Variants in PIP5KL1 observed in about 807,000 individuals in gnomAD.
PIP5KL1 encodes phosphatidylinositol-4-phosphate 5-kinase like 1, also known as phosphatidylinositol 4-phosphate 5-kinase-like protein 1.
Under a neutral mutation model 47.6 loss-of-function variants are expected in PIP5KL1, and 45 were observed. That is an observed-to-expected ratio of 0.94 (90% CI 0.74 to 1.21). The LOEUF (loss-of-function observed/expected upper bound fraction) is 1.21. Among genes scored for constraint, PIP5KL1 ranks in the 50% most tolerant of loss-of-function variants. The probability of loss-of-function intolerance (pLI) is 0.00; values close to 1 mark genes in which losing one functional copy is unlikely to be tolerated. For missense variants in PIP5KL1, 577 were observed against 547.6 expected (o/e 1.05, Z -0.54); for synonymous variants, 256 against 234.6 (o/e 1.09, Z -0.84).
Position 127,925,258 on chromosome 9 carries a change from G to A in PIP5KL1, c.766C>T (p.Pro256Ser). The part of the protein sequence containing the change: ...NFQGKTINLG[P>S]QRSWFLRQME... ...TGGCGGAGGAACCAGCTCCGCTGGG[G>A]CCCTGCCGGAGCATCAGTGCCCCCA... is the stretch of plus-strand genomic sequence containing the variant. The change falls in exon 9 of 10, where the codon CCC (proline) becomes TCC (serine). Residue 256 changes from proline (P) to serine (S), a missense_variant and splice_region_variant. Coordinates refer to ENST00000388747, the MANE Select transcript of PIP5KL1 (RefSeq NM_001135219.2). 4.3e-6 allele frequency: 7 copies of A among 1,612,006 alleles called. No individual in the cohort carries two copies. Among genetic ancestry groups the A allele is most frequent in the Non-Finnish European group, 5.9e-6 (7 of 1,179,976 alleles).
chr9:127,929,649 T>C lies in PIP5KL1; in HGVS notation c.228+39A>G, dbSNP rs532580124. On this transcript the variant is annotated intron_variant, in intron 2 of 9. Coordinates refer to ENST00000388747, the MANE Select transcript of PIP5KL1 (RefSeq NM_001135219.2). The surrounding 1 kb of genome is among the most constrained non-coding windows in gnomAD (Gnocchi z 4.0). ...CAGGGCATCAGCCAAGTCTTGCCAT[T>C]GCTGGTGTGGAGATTCGTGGGACAG... 3 of 1,500,162 alleles carry C rather than the reference T, an allele frequency of 2.0e-6. No homozygotes were observed. The East Asian group carries it at 7.4e-5, about 37-fold the overall frequency. 92.9% of individuals were successfully genotyped at this position (1,500,162 alleles called of 1,614,324 possible).
intron 9 of PIP5KL1, among the ~76,000 whole-genome samples, chr9:127,922,488 A>G (rs555972206): frequency 9.5e-4 from 145 of 152,278 alleles, no homozygotes; most frequent in Non-Finnish European, 1.7e-3. Flanking sequence ...ACCTGAGGTC[A>G]GAAGTCGGAG....
rs778647599 is a variant in PIP5KL1 at position 127,927,158 on chromosome 9, G to A, written c.645C>T (p.Ser215=). 2 of 1,611,250 alleles carry A rather than the reference G, an allele frequency of 1.2e-6. No homozygotes were observed. Among genetic ancestry groups the A allele is most frequent in the Non-Finnish European group, 8.5e-7 (1 of 1,178,380 alleles). ...QSVFYPAGRI[S]ERYDIKGCEV... Reference sequence around the variant, plus strand: ...AACCTGCTTAGGCCACTCACCTCTCGGAGATGCGGCCGGCGGGGTAGAAGA... The same window carrying A: ...AACCTGCTTAGGCCACTCACCTCTCAGAGATGCGGCCGGCGGGGTAGAAGA... The change falls in exon 7 of 10, where the codon TCC becomes TCT. Residue 215 remains serine, a synonymous_variant. Coordinates refer to ENST00000388747, the MANE Select transcript of PIP5KL1 (RefSeq NM_001135219.2). The surrounding 1 kb of genome is among the most constrained non-coding windows in gnomAD (Gnocchi z 5.5).
intron 1 of PIP5KL1, among the ~76,000 whole-genome samples, 180 bp from the exon 2 acceptor site, chr9:127,930,065 A>G (rs1238217004): frequency 6.6e-6 from 1 of 152,208 alleles, no homozygotes; most frequent in Admixed American, 6.5e-5. Context: ...CCTGGCACGC[A>G]GTCAGCACCC....
rs1476003016 is a variant in PIP5KL1, at chr9:127,927,078, T to C, written c.650+75A>G. 1 of 1,453,896 alleles carries C rather than the reference T, an allele frequency of 6.9e-7. No individual in the cohort carries two copies. The highest frequency in any genetic ancestry group is 9.3e-7 in the Non-Finnish European group (1 of 1,074,742). 90.1% of individuals were successfully genotyped at this position (1,453,896 alleles called of 1,614,324 possible). A position where few individuals can be genotyped will look rare whatever the true frequency, so the allele number is the denominator to read the frequency against. On this transcript the variant is annotated intron_variant, in intron 7 of 9. Transcript: ENST00000388747. This position sits in a 1 kb window ranked among gnomAD's most constrained non-coding sequence, Gnocchi z 5.5. ...CTTCCTGGGCCTCGGTTTCACCGTC[T>C]GGCTAGTGAGTGTGGGTGCTTCGGG...
intron 7 of PIP5KL1, among the ~76,000 whole-genome samples, chr9:127,926,682 T>C (rs559030802): frequency 1.3e-4 from 20 of 152,354 alleles, no homozygotes; most frequent in African/African-American, 4.8e-4. Context: ...TCTGGACACC[T>C]TGTCACCCCT....
At position 127,925,116 on chromosome 9, in the gene PIP5KL1, C is replaced by T. The variant is rs776871325; in HGVS notation, c.908G>A (p.Arg303His). The T allele has an allele frequency of 1.2e-5, 19 of 1,613,678 alleles. No homozygotes were observed. The highest frequency in any genetic ancestry group is 1.7e-5 in the Admixed American group (1 of 59,944). Residue 303 changes from arginine to histidine, a missense_variant, in exon 9 of 10, where the codon CGC becomes CAC. Transcript: ENST00000388747. The part of the protein sequence containing the change: ...ERGPGSSLIF[R>H]TARSVQGAQS... The stretch of plus-strand genomic sequence containing the variant: ...CCTGTGGGAGGCTCACCTGGCCGTG[C>T]GGAAGATGAGGCTGCTGCCCGGGCC...
rs1157304889 is a variant in PIP5KL1, at chr9:127,927,192, A to G, written c.611T>C (p.Met204Thr). The stretch of plus-strand genomic sequence containing the variant: ...GCCGGCGGGGTAGAAGACGCTCTGC[A>G]TGACGATGAAGTACGTCTGGGGGCC... ...DRGKKTYFIV[M>T]QSVFYPAGRI... The change falls in exon 7 of 10, where the codon ATG becomes ACG. Residue 204 changes from methionine (M) to threonine (T), a missense_variant. Met to Thr is a moderately conservative substitution (Grantham distance 81). Transcript: ENST00000388747. The surrounding 1 kb of genome is among the most constrained non-coding windows in gnomAD (Gnocchi z 5.5). The G allele has an allele frequency of 6.2e-7, 1 of 1,613,022 alleles. No homozygotes were observed.
At chr9:127,924,199 T>G (rs1831326972) in intron 9 of PIP5KL1, among the ~76,000 whole-genome samples, 1 of 152,028 alleles carries the variant, frequency 6.6e-6, no homozygotes, top group Non-Finnish European at 1.5e-5. Flanking sequence ...AAACCCCATC[T>G]CCACTAAAAA....
rs1471812705 is a variant in PIP5KL1, at chr9:127,927,547, C to T, written c.559+101G>A. The T allele has an allele frequency of 6.9e-6, 10 of 1,445,216 alleles. No individual in the cohort carries two copies. The highest frequency in any genetic ancestry group is 2.9e-5 in the African/African-American group (2 of 69,344). 89.5% of individuals were successfully genotyped at this position (1,445,216 alleles called of 1,614,324 possible). A position where few individuals can be genotyped will look rare whatever the true frequency, so the allele number is the denominator to read the frequency against. ...TGGCCCCACCCCCATGCCCTACAAC[C>T]CCAAATCCGCCCATTTGGGCCCCGC... On this transcript the variant is annotated intron_variant, in intron 5 of 9. Coordinates refer to ENST00000388747, the MANE Select transcript of PIP5KL1 (RefSeq NM_001135219.2). The surrounding 1 kb of genome is among the most constrained non-coding windows in gnomAD (Gnocchi z 5.5).
chr9:127,929,610 C>T lies in PIP5KL1; in HGVS notation c.228+78G>A. 2 of 1,349,970 alleles carry T rather than the reference C, an allele frequency of 1.5e-6. No homozygotes were observed. Among genetic ancestry groups the T allele is most frequent in the South Asian group, 3.0e-5 (2 of 67,404 alleles). 83.6% of individuals were successfully genotyped at this position (1,349,970 alleles called of 1,614,324 possible). A position where few individuals can be genotyped will look rare whatever the true frequency, so the allele number is the denominator to read the frequency against. ...TATCCCTCTCTGATCCCCACACCTG[C>T]AGTTTCAGCCAGACAGGGCATCAGC... On this transcript the variant is annotated intron_variant, in intron 2 of 9. Transcript: ENST00000388747. The surrounding 1 kb of genome is among the most constrained non-coding windows in gnomAD (Gnocchi z 4.0).
In PIP5KL1 at chr9:127,928,145, G is replaced by A. The variant is rs1326124875; in HGVS notation, c.354C>T (p.Asp118=). The A allele has an allele frequency of 6.5e-7, 1 of 1,544,856 alleles. No homozygotes were observed. Among genetic ancestry groups the A allele is most frequent in the Non-Finnish European group, 8.7e-7 (1 of 1,145,924 alleles). ...LRRSLGLAEE[D]YQAALGPGGP... ...CGCCGGGGCCCAGGGCAGCCTGATA[G>A]TCCTCCTCCGCCAGGCCCAGGGAGC... The change falls in exon 4 of 10, where the codon GAC becomes GAT. Residue 118 remains aspartate, a synonymous_variant. Coordinates refer to ENST00000388747, the MANE Select transcript of PIP5KL1 (RefSeq NM_001135219.2).
In PIP5KL1 at chr9:127,925,111, C is replaced by T. The variant is rs373451089; in HGVS notation, c.913G>A (p.Ala305Thr). The T allele has an allele frequency of 4.3e-6, 7 of 1,613,978 alleles. No homozygotes were observed. Among genetic ancestry groups the T allele is most frequent in the African/African-American group, 2.7e-5 (2 of 75,060 alleles). Reference sequence around the variant, plus strand: ...TTGCCCCTGTGGGAGGCTCACCTGGCCGTGCGGAAGATGAGGCTGCTGCCC... The same window carrying T: ...TTGCCCCTGTGGGAGGCTCACCTGGTCGTGCGGAAGATGAGGCTGCTGCCC... ...GPGSSLIFRT[A>T]RSVQGAQSPE... is the part of the protein sequence containing the mutation. The change falls in exon 9 of 10, where the codon GCC becomes ACC. Residue 305 changes from alanine to threonine, a missense_variant. Ala to Thr is a moderately conservative substitution (Grantham distance 58). Transcript: ENST00000388747.
chr9:127,922,534 G>GA (rs1229243850), intron 9 of PIP5KL1, among the ~76,000 whole-genome samples: 1 of 151,768 alleles, frequency 6.6e-6, no homozygotes. Context: ...CTACTAAAAT[G>GA]AAAAAATTAA....
At chr9:127,926,910 G>A (rs564371680) in intron 7 of PIP5KL1, among the ~76,000 whole-genome samples, 51 of 152,360 alleles carry the variant, frequency 3.3e-4, no homozygotes, top group Non-Finnish European at 5.7e-4. Context: ...AGGAGGATAA[G>A]AGCTGCCCCT....
chr9:127,925,192 G>A lies in PIP5KL1; in HGVS notation c.832C>T (p.Leu278=), dbSNP rs36045253. Residue 278 remains leucine, a synonymous_variant, in exon 9 of 10, where the codon CTG becomes TTG. Coordinates refer to ENST00000388747, the MANE Select transcript of PIP5KL1 (RefSeq NM_001135219.2). ...AAGGCTATCAGGAGGCTGTAATCCA[G>A]CACGTTGAGCTCCCGGAGGAAGGTG... ...DTTFLRELNV[L]DYSLLIAFQR... The A allele has an allele frequency of 6.2e-7, 1 of 1,614,120 alleles. No homozygotes were observed. The highest frequency in any genetic ancestry group is 1.3e-5 in the African/African-American group (1 of 75,074).
Position 127,927,498 on chromosome 9 carries a change from C to G in PIP5KL1, c.559+150G>C. On this transcript the variant is annotated intron_variant, in intron 5 of 9. Coordinates refer to ENST00000388747, the MANE Select transcript of PIP5KL1 (RefSeq NM_001135219.2). This position sits in a 1 kb window ranked among gnomAD's most constrained non-coding sequence, Gnocchi z 5.5. Reference sequence around the variant, plus strand: ...CCCGATCCCACCCCTAAACACAGCCCCAGTGGTGCCCCGCCCCCACGTATG... The same window carrying G: ...CCCGATCCCACCCCTAAACACAGCCGCAGTGGTGCCCCGCCCCCACGTATG... The G allele has an allele frequency of 6.9e-7, 1 of 1,456,238 alleles. No individual in the cohort carries two copies. Among genetic ancestry groups the G allele is most frequent in the South Asian group, 1.4e-5 (1 of 71,904 alleles). The allele number at this position is 1,456,238 out of a possible 1,614,324, so 90.2% of individuals were successfully genotyped here.
chr9:127,927,802 C>G lies in PIP5KL1; in HGVS notation c.435-30G>C. The G allele has an allele frequency of 6.4e-7, 1 of 1,550,780 alleles. No homozygotes were observed. The highest frequency in any genetic ancestry group is 2.4e-5 in the East Asian group (1 of 41,314). ...GGGGCAAGAGAAAGAGGTCACTGCC[C>G]AGGCCTGGCTGGAGCGGCTCCCACC... is the stretch of plus-strand genomic sequence containing the variant. On this transcript the variant is annotated intron_variant, in intron 4 of 9. Coordinates refer to ENST00000388747, the MANE Select transcript of PIP5KL1 (RefSeq NM_001135219.2). This position sits in a 1 kb window ranked among gnomAD's most constrained non-coding sequence, Gnocchi z 5.5.
In PIP5KL1 at chr9:127,927,044, C is replaced by T; in HGVS notation, c.650+109G>A. The stretch of plus-strand genomic sequence containing the variant: ...TCTGACCCACCAGATCTTGGGAACG[C>T]CCCTTCTCCTTCCTGGGCCTCGGTT... On this transcript the variant is annotated intron_variant, in intron 7 of 9. Coordinates refer to ENST00000388747, the MANE Select transcript of PIP5KL1 (RefSeq NM_001135219.2). This position sits in a 1 kb window ranked among gnomAD's most constrained non-coding sequence, Gnocchi z 5.5. The T allele has an allele frequency of 1.5e-6, 2 of 1,290,998 alleles. No individual in the cohort carries two copies. The highest frequency in any genetic ancestry group is 3.0e-5 in the South Asian group (2 of 67,214). 80.0% of individuals were successfully genotyped at this position (1,290,998 alleles called of 1,614,324 possible). A position where few individuals can be genotyped will look rare whatever the true frequency, so the allele number is the denominator to read the frequency against.
Sources: gnomAD v4.1 joint callset for allele counts (sites outside exome capture counted in the v4.1 genomes callset) on GRCh38, gnomAD v4.1.1 for gene constraint, Gnocchi (gnomAD v3.1) non-coding constraint, MANE v1.5 for transcripts, NCBI Gene and HGNC (gene_info 2026-07-23, HGNC 2026-07-21) for gene names.